The following ROBO1 variants were observed in gnomAD, a reference collection of about 807,000 sequenced individuals.
ROBO1 encodes roundabout guidance receptor 1.
Under a neutral mutation model 195.9 loss-of-function variants are expected in ROBO1, and 149 were observed. The ratio of observed to expected loss-of-function variants is 0.76; its 90% confidence interval spans 0.67 to 0.87. The LOEUF (loss-of-function observed/expected upper bound fraction) is 0.87. Among genes scored for constraint, ROBO1 ranks in the 40% least tolerant of loss-of-function variants. ROBO1 has a pLI of 0.00. For synonymous variants in ROBO1, 816 were observed against 733.2 expected (o/e 1.11, Z -1.82); for missense variants, 1,933 against 2,068.3 (o/e 0.93, Z 1.27).
At chr3:79,082,329 G>A (rs953239917) in intron 3 of ROBO1, among the ~76,000 whole-genome samples, 1 of 152,104 alleles carries the variant, frequency 6.6e-6, no homozygotes, top group East Asian at 1.9e-4. Flanking sequence ...TACTTATTAT[G>A]CATTTATGAT....
intron 2 of ROBO1, among the ~76,000 whole-genome samples, chr3:79,361,438 A>T (rs1438247667): frequency 6.6e-6 from 1 of 152,020 alleles, no homozygotes; most frequent in Non-Finnish European, 1.5e-5. Context: ...GAATAGCCAA[A>T]TTTTGCATAA....
intron 4 of ROBO1, among the ~76,000 whole-genome samples, chr3:78,785,758 T>A: frequency 6.6e-6 from 1 of 152,196 alleles, no homozygotes; most frequent in Non-Finnish European, 1.5e-5. Flanking sequence ...TAGAGTAATA[T>A]AATGGTGCAT....
intron 2 of ROBO1, among the ~76,000 whole-genome samples, chr3:79,503,311 A>G (rs1236104841): frequency 1.3e-5 from 2 of 152,188 alleles, no homozygotes; most frequent in Non-Finnish European, 2.9e-5. Flanking sequence ...CACCAGAAGG[A>G]AGAAACTCCG....
chr3:79,221,287 A>C (rs1321947245), intron 2 of ROBO1, among the ~76,000 whole-genome samples: 3 of 152,140 alleles, frequency 2.0e-5, no homozygotes, highest in Admixed American at 2.0e-4. Flanking sequence ...CCCATAATGA[A>C]GGTACCCCTG....
chr3:78,737,559 T>C (rs1048150370), intron 5 of ROBO1, among the ~76,000 whole-genome samples: 2 of 152,138 alleles, frequency 1.3e-5, no homozygotes, highest in African/African-American at 4.8e-5. Context: ...ATGGAAACAA[T>C]GAAATGTATA....
At chr3:78,684,225 A>G (rs2080999364) in intron 10 of ROBO1, among the ~76,000 whole-genome samples, 1 of 152,154 alleles carries the variant, frequency 6.6e-6, no homozygotes, top group South Asian at 2.1e-4. Flanking sequence ...ACACAGCAAC[A>G]AAAAAGAACC....
intron 2 of ROBO1, among the ~76,000 whole-genome samples, chr3:79,285,356 T>C (rs375180841): frequency 1.3e-5 from 2 of 152,320 alleles, no homozygotes; most frequent in Admixed American, 6.5e-5. Context: ...CTGTATATAA[T>C]TGTAAGCTCC....
At chr3:78,861,947 T>G (rs331164) in intron 4 of ROBO1, among the ~76,000 whole-genome samples, 1 of 152,094 alleles carries the variant, frequency 6.6e-6, no homozygotes, top group Admixed American at 6.5e-5. Flanking sequence ...TACAACAACC[T>G]AAGGGTAATG....
chr3:79,482,873 T>C (rs1053701613), intron 2 of ROBO1, among the ~76,000 whole-genome samples: 3 of 152,170 alleles, frequency 2.0e-5, no homozygotes, highest in African/African-American at 7.2e-5. Context: ...GAATAAATAG[T>C]TAATTTTATC....
At chr3:78,994,816 G>GT (rs1157828394) in intron 3 of ROBO1, among the ~76,000 whole-genome samples, 2 of 152,062 alleles carry the variant, frequency 1.3e-5, no homozygotes, top group Admixed American at 1.3e-4. Context: ...AATTACACTG[G>GT]TTGAACCCAG....
intron 1 of ROBO1, among the ~76,000 whole-genome samples, chr3:79,701,629 T>C (rs1181203900): frequency 6.6e-6 from 1 of 151,768 alleles, no homozygotes; most frequent in Non-Finnish European, 1.5e-5. Flanking sequence ...AAAACAAAAC[T>C]GAATATATCA....
chr3:79,632,240 C>T (rs944462865), intron 1 of ROBO1, among the ~76,000 whole-genome samples: 2 of 151,990 alleles, frequency 1.3e-5, no homozygotes, highest in Non-Finnish European at 2.9e-5. Flanking sequence ...TAAGTGTCTA[C>T]CAGCAATTGA....
chr3:78,860,327 T>TATATATATATATATATATA (rs1491455003), intron 4 of ROBO1, among the ~76,000 whole-genome samples: 4 of 12,568 alleles, frequency 3.2e-4, no homozygotes, highest in African/African-American at 1.0e-3. Flanking sequence ...TATATATATA[T>TATATATATATATATATATA]TTTTTTTTTT....
At chr3:79,263,965 C>CA (rs1181803756) in intron 2 of ROBO1, among the ~76,000 whole-genome samples, 7 of 152,140 alleles carry the variant, frequency 4.6e-5, no homozygotes, top group African/African-American at 1.7e-4. Context: ...TTTCTACCTC[C>CA]AAAATCTACC....
intron 4 of ROBO1, among the ~76,000 whole-genome samples, chr3:78,888,878 T>A (rs543706335): frequency 1.3e-5 from 2 of 152,324 alleles, no homozygotes; most frequent in South Asian, 4.1e-4. Context: ...TTAAGATATA[T>A]GAGTCATTTG....
chr3:78,820,045 G>C (rs1285067535), intron 4 of ROBO1, among the ~76,000 whole-genome samples: 1 of 152,120 alleles, frequency 6.6e-6, no homozygotes, highest in Non-Finnish European at 1.5e-5. Flanking sequence ...ACTTAAAAGA[G>C]TACAATCGAA....
chr3:79,117,387 A>T (rs1179797515), intron 3 of ROBO1, among the ~76,000 whole-genome samples: 1 of 152,068 alleles, frequency 6.6e-6, no homozygotes, highest in African/African-American at 2.4e-5. Context: ...AAACAAAAAA[A>T]AAAAGAGCAG....
At chr3:79,071,139 T>A (rs1381361042) in intron 3 of ROBO1, among the ~76,000 whole-genome samples, 2 of 151,882 alleles carry the variant, frequency 1.3e-5, no homozygotes, top group African/African-American at 4.8e-5. Flanking sequence ...ATAGTCATCA[T>A]GCTGTATAAT....
At chr3:79,707,043 C>T (rs2107198088) in intron 1 of ROBO1, among the ~76,000 whole-genome samples, 1 of 152,200 alleles carries the variant, frequency 6.6e-6, no homozygotes, top group East Asian at 1.9e-4. Context: ...ATTTTCTCTT[C>T]TTCTCCCTTC....
Sources: gnomAD v4.1 joint callset for allele counts (sites outside exome capture counted in the v4.1 genomes callset) on GRCh38, gnomAD v4.1.1 for gene constraint, MANE v1.5 for transcripts, NCBI Gene and HGNC (gene_info 2026-07-23, HGNC 2026-07-21) for gene names.